Variants in SOCS7 observed in about 807,000 individuals in gnomAD.
SOCS7 encodes suppressor of cytokine signaling 7.
In SOCS7, 18 loss-of-function variants were observed where a neutral mutation model predicts 58.9. The ratio of observed to expected loss-of-function variants is 0.31; its 90% CI spans 0.21 to 0.45. SOCS7 has a LOEUF of 0.45. Ranked by LOEUF, SOCS7 falls within the 20% of genes least tolerant of loss-of-function variation. The probability of loss-of-function intolerance (pLI) is 1.00; values close to 1 mark genes in which losing one functional copy is unlikely to be tolerated. For synonymous variants in SOCS7, 388 were observed against 364.3 expected (o/e 1.06, Z -0.74); for missense variants, 667 against 837.3 (o/e 0.80, Z 2.51).
chr17:38,357,989 C>T (rs1016164235), intron 1 of SOCS7, among the ~76,000 whole-genome samples: 4 of 152,158 alleles, frequency 2.6e-5, no homozygotes, highest in Non-Finnish European at 5.9e-5. Context: ...TAATAATTTG[C>T]AGGGTAGAAA....
intron 7 of SOCS7, among the ~76,000 whole-genome samples, chr17:38,390,193 G>T (rs2038152271): frequency 6.6e-6 from 1 of 151,912 alleles, no homozygotes; most frequent in Non-Finnish European, 1.5e-5. Context: ...TTTCCCCATT[G>T]AATTGTCTTG....
chr17:38,379,186 A>C (rs1328474547), intron 7 of SOCS7, among the ~76,000 whole-genome samples: 2 of 151,476 alleles, frequency 1.3e-5, no homozygotes, highest in Non-Finnish European at 2.9e-5. Context: ...AAAACAAAAA[A>C]AAAAAAACAA....
intron 4 of SOCS7, chr17:38,365,900 A>G (rs1025671436): frequency 6.6e-5 from 54 of 821,340 alleles, no homozygotes; most frequent in Admixed American, 4.0e-4. Context: ...CTTGCCTGGC[A>G]AAATCATTAC....
intron 2 of SOCS7, among the ~76,000 whole-genome samples, chr17:38,363,524 G>A (rs587676528): frequency 9.6e-4 from 146 of 152,150 alleles, no homozygotes; most frequent in African/African-American, 3.3e-3. Flanking sequence ...TTGTAGAGAC[G>A]GGGTCTTAAC....
At chr17:38,389,296 C>G (rs1357265105) in intron 7 of SOCS7, among the ~76,000 whole-genome samples, 1 of 152,162 alleles carries the variant, frequency 6.6e-6, no homozygotes, top group Non-Finnish European at 1.5e-5. Flanking sequence ...GGTATGGTGC[C>G]TATAAGCCCA....
intron 7 of SOCS7, among the ~76,000 whole-genome samples, chr17:38,389,872 T>TATATATATATGTAC (rs1273098235): frequency 4.5e-5 from 5 of 111,748 alleles, no homozygotes; most frequent in Non-Finnish European, 8.8e-5. Context: ...TGTGTACATA[T>TATATATATATGTAC]ATATATATAT....
intron 9 of SOCS7, among the ~76,000 whole-genome samples, chr17:38,398,241 CTTTT>C (rs990311481): frequency 7.7e-6 from 1 of 129,378 alleles, no homozygotes; most frequent in African/African-American, 2.8e-5. Context: ...AGGGAAAGGT[CTTTT>C]TTTTTTTTTT....
intron 7 of SOCS7, among the ~76,000 whole-genome samples, chr17:38,384,241 T>A (rs2038038790): frequency 1.3e-5 from 2 of 152,226 alleles, no homozygotes; most frequent in African/African-American, 2.4e-5. Flanking sequence ...ACTCCTGCCC[T>A]GTTTGTATAC....
chr17:38,361,907 G>T (rs1055152851), intron 2 of SOCS7, 132 bp downstream of exon 2: 8 of 671,782 alleles, frequency 1.2e-5, no homozygotes, highest in Non-Finnish European at 1.8e-5. Flanking sequence ...TCCATGCTTA[G>T]TGGGTTTGGG....
At chr17:38,387,997 C>T (rs1420461298) in intron 7 of SOCS7, among the ~76,000 whole-genome samples, 1 of 151,946 alleles carries the variant, frequency 6.6e-6, no homozygotes, top group East Asian at 1.9e-4. Flanking sequence ...GTCTCGAACT[C>T]CTGACCTCAG....
At chr17:38,359,340 A>C (rs760554207) in intron 1 of SOCS7, among the ~76,000 whole-genome samples, 3 of 152,174 alleles carry the variant, frequency 2.0e-5, no homozygotes, top group Admixed American at 1.3e-4. Flanking sequence ...GAATATTCAT[A>C]GTGAGCGTGA....
chr17:38,387,153 G>GT (rs2038086241), intron 7 of SOCS7, among the ~76,000 whole-genome samples: 1 of 92,302 alleles, frequency 1.1e-5, no homozygotes, highest in African/African-American at 5.0e-5. Context: ...ATATATATAT[G>GT]ATTAATTCAG....
chr17:38,382,351 T>A (rs1453850598), intron 7 of SOCS7, among the ~76,000 whole-genome samples: 1 of 147,496 alleles, frequency 6.8e-6, no homozygotes, highest in African/African-American at 2.5e-5. Context: ...GGTAGGAGGA[T>A]CTCTTAGGCC....
At chr17:38,388,959 T>C (rs190774619) in intron 7 of SOCS7, among the ~76,000 whole-genome samples, 92 of 152,298 alleles carry the variant, frequency 6.0e-4, no homozygotes, top group African/African-American at 2.0e-3. Context: ...TGTACAGCTG[T>C]TTATGTGAAT....
intron 6 of SOCS7, among the ~76,000 whole-genome samples, chr17:38,374,923 T>C (rs1303514352): frequency 2.6e-5 from 4 of 152,216 alleles, no homozygotes; most frequent in African/African-American, 9.6e-5. Context: ...AAGCAAATGG[T>C]AGAAGAAGAA....
chr17:38,397,708 G>A (rs573083062), intron 9 of SOCS7, among the ~76,000 whole-genome samples: 154 of 152,288 alleles, frequency 1.0e-3, no homozygotes, highest in Non-Finnish European at 1.3e-4. Flanking sequence ...ATAGAGTGCT[G>A]AGCAAAGCAA....
rs567112147 is a variant in SOCS7, at chr17:38,369,539, C to A, written c.1552+1489C>A. Among the ~76,000 whole-genome samples, 7 of 152,252 alleles carry A rather than the reference C, an allele frequency of 4.6e-5. No homozygotes were observed. In the South Asian group the frequency reaches 1.5e-3, roughly 32 times the overall value. ...GAAAAAAACAAAATGTGAAGCGGAG[C>A]ATTTCAGAGTGAAGTATTTTGTTAA... On this transcript the variant is annotated intron_variant, in intron 6 of 9. Coordinates refer to ENST00000612932, the MANE Select transcript of SOCS7 (RefSeq NM_014598.4).
chr17:38,365,721 G>A, intron 4 of SOCS7: 1 of 270,634 alleles, frequency 3.7e-6, no homozygotes. Flanking sequence ...TTAATTTCAG[G>A]ATAGTGAGGT....
intron 9 of SOCS7, among the ~76,000 whole-genome samples, chr17:38,398,493 C>T (rs2038273540): frequency 6.6e-6 from 1 of 152,134 alleles, no homozygotes; most frequent in South Asian, 2.1e-4. Flanking sequence ...GTGATCCACC[C>T]ACCTTGGCCT....
Sources: gnomAD v4.1 joint callset for allele counts (sites outside exome capture counted in the v4.1 genomes callset) on GRCh38, gnomAD v4.1.1 for gene constraint, MANE v1.5 for transcripts, NCBI Gene and HGNC (gene_info 2026-07-23, HGNC 2026-07-21) for gene names.